ADGRG6: variants seen among roughly 807,000 people sequenced by gnomAD.
The protein encoded by ADGRG6 is adhesion G protein-coupled receptor G6.
In ADGRG6, 84 loss-of-function variants were observed where a neutral mutation model predicts 142.4. The ratio of observed to expected loss-of-function variants is 0.59; its 90% CI spans 0.49 to 0.71. The LOEUF is 0.71. Ranked by LOEUF, ADGRG6 falls within the 30% of genes least tolerant of loss-of-function variation. The pLI is 0.00. For missense variants in ADGRG6, 1,367 were observed against 1,466.6 expected, an observed-to-expected ratio of 0.93 and a Z score of 1.11; for synonymous variants, 521 against 520.5, an observed-to-expected ratio of 1.00 and a Z score of -0.01.
intron 22 of ADGRG6, among the ~76,000 whole-genome samples, chr6:142,432,733 G>A (rs995331594): frequency 6.6e-5 from 10 of 151,972 alleles, no homozygotes; most frequent in African/African-American, 2.4e-4. Context: ...ATCCTCTCTG[G>A]CTGTGCTTAG....
chr6:142,313,995 A>G (rs904187545), intron 2 of ADGRG6, among the ~76,000 whole-genome samples: 1 of 152,196 alleles, frequency 6.6e-6, no homozygotes, highest in African/African-American at 2.4e-5. Flanking sequence ...AAATGTGTGT[A>G]TGTGTGTTTC....
chr6:142,385,828 T>G (rs910498894), intron 6 of ADGRG6, among the ~76,000 whole-genome samples: 1 of 152,202 alleles, frequency 6.6e-6, no homozygotes, highest in Non-Finnish European at 1.5e-5. Context: ...TGCTATTTAA[T>G]GTCATGTCCT....
chr6:142,403,725 C>A, intron 13 of ADGRG6, 77 bp from the exon 14 acceptor site: 1 of 869,110 alleles, frequency 1.2e-6, no homozygotes, highest in Non-Finnish European at 1.7e-6. Context: ...TGTATTTTGC[C>A]ATGCAGCAAA....
intron 1 of ADGRG6, among the ~76,000 whole-genome samples, chr6:142,308,937 T>C (rs1481379776): frequency 2.6e-5 from 4 of 151,952 alleles, no homozygotes; most frequent in Non-Finnish European, 5.9e-5. Context: ...TGTCATTTAC[T>C]ACTTTCTATA....
Position 142,402,578 on chromosome 6 carries a change from T to G in ADGRG6, c.1745-42T>G, listed in dbSNP as rs9496368. On this transcript the variant is annotated intron_variant, in intron 12 of 24. Transcript: ENST00000367609. Reference sequence around the variant, plus strand: ...GGATTCCTGGAAATGCTCTAAATATTCAGGTAAAACTTAGTGTTGTTTTCT... The same window carrying G: ...GGATTCCTGGAAATGCTCTAAATATGCAGGTAAAACTTAGTGTTGTTTTCT... 4.5e-3 allele frequency: 4,386 copies of G among 983,026 alleles called. 112 individuals are homozygous for G. The African/African-American group carries it at 0.057, about 13-fold the overall frequency. The allele number at this position is 983,026 out of a possible 1,614,324, so 60.9% of individuals were successfully genotyped here. A position where few individuals can be genotyped will look rare whatever the true frequency, so the allele number is the denominator to read the frequency against.
intron 4 of ADGRG6, among the ~76,000 whole-genome samples, chr6:142,374,467 A>C (rs1212465671): frequency 6.6e-6 from 1 of 152,262 alleles, no homozygotes. Flanking sequence ...CTAGGCTACT[A>C]TATCTGCATG....
chr6:142,379,621 G>A (rs543053501), intron 4 of ADGRG6, among the ~76,000 whole-genome samples: 170 of 152,196 alleles, frequency 1.1e-3, no homozygotes, highest in African/African-American at 3.8e-3. Context: ...CAAAAAATTA[G>A]CCTGGCGTGG....
At chr6:142,401,382 A>G (rs1235156702) in intron 11 of ADGRG6, among the ~76,000 whole-genome samples, 1 of 152,214 alleles carries the variant, frequency 6.6e-6, no homozygotes, top group African/African-American at 2.4e-5. Flanking sequence ...TTGCAGAGTT[A>G]TGTGAACTCA....
intron 21 of ADGRG6, 50 bp from the exon 22 acceptor site, chr6:142,419,771 C>A: frequency 7.0e-7 from 1 of 1,420,968 alleles, no homozygotes; most frequent in Admixed American, 2.2e-5. Context: ...CTTAGGTAAA[C>A]AGGACATGGT....
At chr6:142,391,649 G>A (rs1204861829) in intron 7 of ADGRG6, among the ~76,000 whole-genome samples, 1 of 151,652 alleles carries the variant, frequency 6.6e-6, no homozygotes. Context: ...AAAATACTAC[G>A]TTTGATTTTT....
In ADGRG6 at chr6:142,419,805, TTTC is replaced by T. The variant is rs1237960517; in HGVS notation, c.3036-10_3036-8del. 6.3e-7 allele frequency: 1 copy of T among 1,577,250 alleles called. No individual in the cohort carries two copies. The highest frequency in any genetic ancestry group is 8.6e-7 in the Non-Finnish European group (1 of 1,158,618). On this transcript the variant is annotated splice_polypyrimidine_tract_variant and intron_variant, in intron 21 of 24. Coordinates refer to ENST00000367609, the MANE Select transcript of ADGRG6 (RefSeq NM_198569.3). Reference sequence around the variant, plus strand: ...GTAATAAATCTTTTTTTCTTTCTCATTTCTTCTTTTTTAAGCTGTTGGATTCAA... The same window carrying T: ...GTAATAAATCTTTTTTTCTTTCTCATTTCTTTTTTAAGCTGTTGGATTCAA...
intron 15 of ADGRG6, among the ~76,000 whole-genome samples, chr6:142,406,527 G>A (rs538672230): frequency 2.6e-5 from 4 of 152,234 alleles, no homozygotes; most frequent in Non-Finnish European, 4.4e-5. Flanking sequence ...ATATAAAATA[G>A]CAAGTCTCAA....
rs5880531 is a variant in ADGRG6 at position 142,305,429 on chromosome 6, TACACACACACACACAC to T, written c.2+3124_2+3139del. On this transcript the variant is annotated intron_variant, in intron 1 of 24. Coordinates refer to ENST00000367609, the MANE Select transcript of ADGRG6 (RefSeq NM_198569.3). ...TGCCCCCCCCCACGAGCCCCTCCTG[TACACACACACACACAC>T]ACACACACACACACACACACACACA... 6.0e-3 allele frequency among the ~76,000 whole-genome samples: 728 copies of T among 120,858 alleles called. 6 individuals carry two copies. Among genetic ancestry groups the T allele is most frequent in the East Asian group, 0.019 (88 of 4,616 alleles). 79.3% of individuals were successfully genotyped at this position (120,858 alleles called of 152,430 possible).
chr6:142,409,912 CA>C lies in ADGRG6; in HGVS notation c.2432del (p.Asn811ThrfsTer36). On this transcript the variant is annotated frameshift_variant, in exon 17 of 25. Coordinates refer to ENST00000367609, the MANE Select transcript of ADGRG6 (RefSeq NM_198569.3). LOFTEE classifies it high-confidence loss of function. ...CCATCTGTGCCTTCTGGGATCTGAACAAAAACAGTAAGTTTTAAAATATTGG... is the reference window on the plus strand; with the variant it reads ...CCATCTGTGCCTTCTGGGATCTGAACAAAACAGTAAGTTTTAAAATATTGG... ...HPICAFWDLN[K>X]NKSFGGWNTS... 3 of 1,450,300 alleles carry C rather than the reference CA, an allele frequency of 2.1e-6. No homozygotes were observed. The highest frequency in any genetic ancestry group is 2.9e-6 in the Non-Finnish European group (3 of 1,047,382). The allele number at this position is 1,450,300 out of a possible 1,614,324, so 89.8% of individuals were successfully genotyped here. A position where few individuals can be genotyped will look rare whatever the true frequency, so the allele number is the denominator to read the frequency against.
At chr6:142,353,589 T>A (rs561185065) in intron 2 of ADGRG6, among the ~76,000 whole-genome samples, 1 of 152,262 alleles carries the variant, frequency 6.6e-6, no homozygotes, top group Non-Finnish European at 1.5e-5. Flanking sequence ...TAGAATTTGA[T>A]GTACTTTTTA....
chr6:142,395,763 C>T (rs1371345738), intron 9 of ADGRG6, among the ~76,000 whole-genome samples: 2 of 152,138 alleles, frequency 1.3e-5, no homozygotes, highest in South Asian at 2.1e-4. Context: ...CTCTTACCCT[C>T]ATTGGTGAGG....
Position 142,408,166 on chromosome 6 carries a change from G to T in ADGRG6, c.2285G>T (p.Arg762Ile), listed in dbSNP as rs745573811. Residue 762 changes from arginine (R) to isoleucine (I), a missense_variant, in exon 16 of 25, where the codon AGA (arginine) becomes ATA (isoleucine). Around this residue, in one of 3 missense-constraint regions of ADGRG6, gnomAD observed 286 missense variants for 371.4 expected, o/e 0.77. Transcript: ENST00000367609. ...TGLFQDVGPQ[R>I]KTLVSYVMAC... ...CTTTAAAAGGATGTAGGACCCCAAA[G>T]AAAAACTTTAGTGAGTTATGTGATG... is the stretch of plus-strand genomic sequence containing the variant. The T allele has an allele frequency of 5.0e-6, 8 of 1,584,560 alleles. No homozygotes were observed. The highest frequency in any genetic ancestry group is 5.2e-6 in the Non-Finnish European group (6 of 1,163,658).
intron 18 of ADGRG6, among the ~76,000 whole-genome samples, chr6:142,414,761 C>T (rs894179106): frequency 3.3e-5 from 5 of 152,128 alleles, no homozygotes; most frequent in Admixed American, 6.5e-5. Flanking sequence ...CAATGTGTAA[C>T]GACTTCCAGA....
intron 2 of ADGRG6, among the ~76,000 whole-genome samples, chr6:142,352,526 A>G (rs1780236816): frequency 6.6e-6 from 1 of 152,094 alleles, no homozygotes; most frequent in Non-Finnish European, 1.5e-5. Context: ...TATGCTCCGT[A>G]TTTTGGTGAC....
Sources: allele counts gnomAD v4.1 joint callset (sites outside exome capture counted in the v4.1 genomes callset), GRCh38; gene constraint gnomAD v4.1.1; regional missense constraint gnomAD v4.1.1; transcripts MANE v1.5; gene names NCBI Gene and HGNC (gene_info 2026-07-23, HGNC 2026-07-21).